The following SLC8A1 variants were observed in gnomAD, a reference collection of about 807,000 sequenced individuals.
SLC8A1 encodes solute carrier family 8 member A1.
In SLC8A1, 18 loss-of-function variants were observed where a neutral mutation model predicts 68.3. The observed-to-expected ratio is 0.26, with a 90% CI of 0.18 to 0.39. The LOEUF is 0.39. Ranked by LOEUF, SLC8A1 falls within the 10% of genes least tolerant of loss-of-function variation. SLC8A1 has a pLI of 1.00. For synonymous variants in SLC8A1, 475 were observed against 415.5 expected, an observed-to-expected ratio of 1.14 and a Z score of -1.74; for missense variants, 985 against 1,156.7, an observed-to-expected ratio of 0.85 and a Z score of 2.15.
chr2:40,351,691 CTAAA>C (rs1317341058), intron 2 of SLC8A1, among the ~76,000 whole-genome samples: 3 of 152,018 alleles, frequency 2.0e-5, no homozygotes, highest in Non-Finnish European at 4.4e-5. Context: ...CTGCCCCTTT[CTAAA>C]TAAATTGAAG....
intron 2 of SLC8A1, among the ~76,000 whole-genome samples, chr2:40,288,482 G>T (rs1446964486): frequency 6.6e-6 from 1 of 151,896 alleles, no homozygotes; most frequent in Non-Finnish European, 1.5e-5. Flanking sequence ...ATTCTCCCCA[G>T]CCCCTACTCC....
At chr2:40,329,375 C>A (rs1328072204) in intron 2 of SLC8A1, among the ~76,000 whole-genome samples, 1 of 152,164 alleles carries the variant, frequency 6.6e-6, no homozygotes, top group African/African-American at 2.4e-5. Flanking sequence ...TTTCTGGAGG[C>A]CAAGTTAATA....
At chr2:40,503,313 G>A (rs950375921) in intron 1 of SLC8A1, among the ~76,000 whole-genome samples, 2 of 151,954 alleles carry the variant, frequency 1.3e-5, no homozygotes, top group South Asian at 4.1e-4. Flanking sequence ...TTCTCACCGA[G>A]CTGCTTTGCA....
At chr2:40,209,709 C>T (rs1346551146) in intron 2 of SLC8A1, among the ~76,000 whole-genome samples, 1 of 152,026 alleles carries the variant, frequency 6.6e-6, no homozygotes. Context: ...TAGACGCTGG[C>T]CCATGGGTAG....
chr2:40,402,650 G>T (rs1689100516), intron 2 of SLC8A1, among the ~76,000 whole-genome samples: 1 of 152,096 alleles, frequency 6.6e-6, no homozygotes, highest in African/African-American at 2.4e-5. Flanking sequence ...TCATGGCCTG[G>T]ATTAATCGCC....
At chr2:40,326,333 C>A (rs758024419) in intron 2 of SLC8A1, among the ~76,000 whole-genome samples, 1 of 152,060 alleles carries the variant, frequency 6.6e-6, no homozygotes, top group Non-Finnish European at 1.5e-5. Context: ...GAGAACAGAT[C>A]TCCTGGCCAA....
At chr2:40,223,806 T>G (rs935050585) in intron 2 of SLC8A1, 8 of 151,384 alleles carry the variant, frequency 5.3e-5, no homozygotes, top group South Asian at 2.1e-4. Context: ...AAGTAACTAT[T>G]TTTTTTTAAT....
At chr2:40,352,089 C>G (rs1442352134) in intron 2 of SLC8A1, among the ~76,000 whole-genome samples, 1 of 152,086 alleles carries the variant, frequency 6.6e-6, no homozygotes, top group Non-Finnish European at 1.5e-5. Flanking sequence ...TTGTAACAAG[C>G]TATTTCCTAT....
chr2:40,390,888 C>T (rs888840269), intron 2 of SLC8A1, among the ~76,000 whole-genome samples: 1 of 152,010 alleles, frequency 6.6e-6, no homozygotes, highest in African/African-American at 2.4e-5. Flanking sequence ...CTTATTTTGG[C>T]ATTTCTATTC....
chr2:40,495,642 T>C (rs1559771000), intron 1 of SLC8A1, among the ~76,000 whole-genome samples: 1 of 152,048 alleles, frequency 6.6e-6, no homozygotes, highest in South Asian at 2.1e-4. Context: ...CAACTGTTGA[T>C]AGTGAACTTT....
chr2:40,326,542 C>A (rs1219181519), intron 2 of SLC8A1, among the ~76,000 whole-genome samples: 2 of 152,162 alleles, frequency 1.3e-5, no homozygotes, highest in South Asian at 4.1e-4. Context: ...TCACAGCCCA[C>A]TCATTTTGCT....
intron 2 of SLC8A1, among the ~76,000 whole-genome samples, chr2:40,414,305 T>A (rs1475404832): frequency 6.6e-6 from 1 of 152,158 alleles, no homozygotes; most frequent in Non-Finnish European, 1.5e-5. Flanking sequence ...GAAGCAAACA[T>A]CTGTACACAT....
intron 2 of SLC8A1, among the ~76,000 whole-genome samples, chr2:40,375,201 C>A (rs968891321): frequency 6.6e-6 from 1 of 152,028 alleles, no homozygotes; most frequent in Non-Finnish European, 1.5e-5. Context: ...TAATTAACAA[C>A]CACAAAACAC....
intron 2 of SLC8A1, among the ~76,000 whole-genome samples, chr2:40,343,083 C>T (rs1040731808): frequency 1.3e-5 from 2 of 150,962 alleles, no homozygotes; most frequent in Admixed American, 6.6e-5. Flanking sequence ...TTTTCTTTCT[C>T]GGGTGATATT....
intron 1 of SLC8A1, among the ~76,000 whole-genome samples, chr2:40,490,634 TG>T (rs1458104324): frequency 1.3e-5 from 2 of 152,064 alleles, no homozygotes; most frequent in Non-Finnish European, 2.9e-5. Context: ...AGATGATTTG[TG>T]GGGATGGGTA....
Position 40,408,276 on chromosome 2 carries a change from T to C in SLC8A1, c.1808+20197A>G, listed in dbSNP as rs113403602. On this transcript the variant is annotated intron_variant, in intron 2 of 7. Coordinates refer to ENST00000406785, the Ensembl canonical transcript of SLC8A1. ...AAACTTATACCTTCAAAAGTCTTTA[T>C]GTTGTTCTCTGTGAGATACACAGTT... is the stretch of plus-strand genomic sequence containing the variant. 7.6e-4 allele frequency among the ~76,000 whole-genome samples: 116 copies of C among 152,358 alleles called. 2 individuals carry two copies. Among genetic ancestry groups the C allele is most frequent in the African/African-American group, 2.6e-3 (107 of 41,590 alleles).
At chr2:40,371,582 C>G (rs73926628) in intron 2 of SLC8A1, among the ~76,000 whole-genome samples, 1,803 of 152,180 alleles carry the variant, frequency 0.012, 36 homozygotes, top group African/African-American at 0.04. Flanking sequence ...AGGTAAAGCA[C>G]AATACATAGT....
intron 2 of SLC8A1, among the ~76,000 whole-genome samples, chr2:40,281,906 G>C (rs1402181628): frequency 6.6e-6 from 1 of 152,134 alleles, no homozygotes; most frequent in Non-Finnish European, 1.5e-5. Flanking sequence ...TGAATTTTGG[G>C]TGGAATAAAG....
chr2:40,123,392 A>G (rs2037357739), intron 7 of SLC8A1: 1 of 152,232 alleles, frequency 6.6e-6, no homozygotes, highest in Non-Finnish European at 1.5e-5. Context: ...ATTTTCATGA[A>G]AGACTCCTTA....
Sources: gnomAD v4.1 joint callset for allele counts (sites outside exome capture counted in the v4.1 genomes callset) on GRCh38, gnomAD v4.1.1 for gene constraint, MANE v1.5 for transcripts, NCBI Gene and HGNC (gene_info 2026-07-23, HGNC 2026-07-21) for gene names.